Variants in CEP112 observed in about 807,000 individuals in gnomAD.
The protein encoded by CEP112 is centrosomal protein of 112 kDa.
A neutral mutation model predicts 153.0 loss-of-function variants in CEP112; 127 were observed. The ratio of observed to expected loss-of-function variants is 0.83; its 90% CI spans 0.72 to 0.96. The LOEUF (loss-of-function observed/expected upper bound fraction) is 0.96. CEP112 is among the 40% of genes least tolerant of loss of function. CEP112 has a pLI of 0.00. For synonymous variants in CEP112, 358 were observed against 374.4 expected (o/e 0.96, Z 0.51); for missense variants, 1,089 against 1,101.2 (o/e 0.99, Z 0.16).
intron 17 of CEP112, among the ~76,000 whole-genome samples, chr17:65,987,597 C>T (rs759323308): frequency 1.1e-4 from 16 of 152,038 alleles, no homozygotes; most frequent in African/African-American, 2.4e-4. Flanking sequence ...TTCAAAATGG[C>T]GGCATAGAAG....
intron 12 of CEP112, among the ~76,000 whole-genome samples, chr17:66,039,662 CTGA>C (rs1451332673): frequency 5.3e-5 from 8 of 152,060 alleles, no homozygotes; most frequent in Admixed American, 5.2e-4. Flanking sequence ...AAAATAAATT[CTGA>C]TAACTTTTTT....
chr17:65,814,474 G>T (rs185306983), intron 21 of CEP112, among the ~76,000 whole-genome samples: 3 of 152,226 alleles, frequency 2.0e-5, no homozygotes, highest in Admixed American at 6.5e-5. Context: ...CATCCAAAAA[G>T]AATAAAAGCA....
At chr17:65,832,428 A>C (rs1161030196) in intron 21 of CEP112, among the ~76,000 whole-genome samples, 1 of 151,898 alleles carries the variant, frequency 6.6e-6, no homozygotes, top group East Asian at 1.9e-4. Context: ...GAAAAAAAAA[A>C]AAAACTAAAA....
At chr17:66,048,916 C>T (rs2145897578) in intron 12 of CEP112, among the ~76,000 whole-genome samples, 1 of 152,202 alleles carries the variant, frequency 6.6e-6, no homozygotes, top group Non-Finnish European at 1.5e-5. Context: ...GCCAAAAAAG[C>T]ACTAAGTGTA....
At chr17:65,664,329 C>A (rs2046572054) in intron 24 of CEP112, among the ~76,000 whole-genome samples, 1 of 152,178 alleles carries the variant, frequency 6.6e-6, no homozygotes, top group African/African-American at 2.4e-5. Flanking sequence ...GAGGGCTTGA[C>A]AGGAGATGCT....
At position 66,143,748 on chromosome 17, in the gene CEP112, T is replaced by C. The variant is rs185283536; in HGVS notation, c.471-10985A>G. On this transcript the variant is annotated intron_variant, in intron 4 of 26. Coordinates refer to ENST00000535342, the MANE Select transcript of CEP112 (RefSeq NM_001199165.4). ...AAACTATTCAGCTGAAAGCAAATTA[T>C]TTCTTGTGGTAACAGAAACATAGCT... is the stretch of plus-strand genomic sequence containing the variant. Among the ~76,000 whole-genome samples the C allele has an allele frequency of 3.0e-4, 45 of 152,326 alleles. 2 individuals carry two copies. The East Asian group carries it at 8.5e-3, about 29-fold the overall frequency.
intron 16 of CEP112, among the ~76,000 whole-genome samples, chr17:66,014,284 C>T (rs67847886): frequency 0.41 from 62,459 of 152,018 alleles, 14,303 homozygotes; most frequent in East Asian, 0.87. Flanking sequence ...TCTGCCAGCA[C>T]AGGAGCTATG....
At chr17:66,081,772 G>A (rs987947928) in intron 8 of CEP112, among the ~76,000 whole-genome samples, 20 of 151,982 alleles carry the variant, frequency 1.3e-4, no homozygotes, top group East Asian at 3.9e-4. Context: ...AAAATTAGCC[G>A]GACATGGTGG....
At chr17:66,123,471 G>T (rs931014032) in intron 6 of CEP112, among the ~76,000 whole-genome samples, 3 of 152,172 alleles carry the variant, frequency 2.0e-5, no homozygotes, top group Non-Finnish European at 4.4e-5. Flanking sequence ...TGGTTGAAGT[G>T]CCAAAAACTC....
At chr17:65,772,274 A>G (rs1003955409) in intron 21 of CEP112, among the ~76,000 whole-genome samples, 2 of 152,276 alleles carry the variant, frequency 1.3e-5, no homozygotes, top group Admixed American at 1.3e-4. Context: ...TCAATGAATT[A>G]GAAAAGAGGA....
At chr17:65,978,362 G>A (rs1316314265) in intron 17 of CEP112, among the ~76,000 whole-genome samples, 1 of 152,194 alleles carries the variant, frequency 6.6e-6, no homozygotes, top group Non-Finnish European at 1.5e-5. Context: ...TGACATAAAG[G>A]TAAACATTGG....
At chr17:65,899,355 T>G (rs1160021644) in intron 20 of CEP112, among the ~76,000 whole-genome samples, 2 of 152,126 alleles carry the variant, frequency 1.3e-5, no homozygotes, top group Non-Finnish European at 1.5e-5. Context: ...TAATATATCC[T>G]GCCATTGAAA....
chr17:66,022,203 T>C (rs2145631275), intron 16 of CEP112, among the ~76,000 whole-genome samples: 1 of 152,082 alleles, frequency 6.6e-6, no homozygotes, highest in African/African-American at 2.4e-5. Context: ...TACCCAGAAG[T>C]AAACAGCTCT....
chr17:65,971,579 T>G (rs1427641583), intron 17 of CEP112, among the ~76,000 whole-genome samples: 1 of 152,142 alleles, frequency 6.6e-6, no homozygotes, highest in Non-Finnish European at 1.5e-5. Flanking sequence ...GTATATGGCA[T>G]GTATATTACA....
At chr17:66,132,188 A>G (rs2070211221) in intron 5 of CEP112, among the ~76,000 whole-genome samples, 1 of 147,158 alleles carries the variant, frequency 6.8e-6, no homozygotes, top group Non-Finnish European at 1.5e-5. Context: ...AAAAAAAAAA[A>G]AAAAAAAAAA....
intron 20 of CEP112, among the ~76,000 whole-genome samples, chr17:65,868,183 T>G (rs922809361): frequency 5.9e-5 from 9 of 152,150 alleles, no homozygotes; most frequent in Non-Finnish European, 1.0e-4. Flanking sequence ...ATAAAATATC[T>G]CATTTTACTT....
chr17:65,948,499 G>C (rs2061714359), intron 18 of CEP112, among the ~76,000 whole-genome samples: 1 of 151,906 alleles, frequency 6.6e-6, no homozygotes, highest in Admixed American at 6.6e-5. Flanking sequence ...AGAGAACATA[G>C]CTGTCTTTTT....
At chr17:65,664,437 T>C (rs2046578080) in intron 24 of CEP112, among the ~76,000 whole-genome samples, 1 of 152,192 alleles carries the variant, frequency 6.6e-6, no homozygotes, top group Admixed American at 6.5e-5. Flanking sequence ...TGTGAGGCAG[T>C]TGTTTTTCTG....
At chr17:66,077,666 G>A (rs1291688567) in intron 8 of CEP112, among the ~76,000 whole-genome samples, 2 of 152,194 alleles carry the variant, frequency 1.3e-5, no homozygotes, top group African/African-American at 4.8e-5. Context: ...AAACTTCCCT[G>A]GCCTTTCTAG....
Sources: allele counts gnomAD v4.1 joint callset (sites outside exome capture counted in the v4.1 genomes callset), GRCh38; gene constraint gnomAD v4.1.1; transcripts MANE v1.5; gene names NCBI Gene and HGNC (gene_info 2026-07-23, HGNC 2026-07-21).